The following HACD2 variants were observed in gnomAD, a reference collection of about 807,000 sequenced individuals.
HACD2 encodes very-long-chain (3R)-3-hydroxyacyl-CoA dehydratase 2.
A neutral mutation model predicts 31.0 loss-of-function variants in HACD2; 15 were observed. The observed-to-expected ratio is 0.48, with a 90% CI of 0.32 to 0.75. HACD2 has a LOEUF of 0.75. HACD2 is among the 30% of genes least tolerant of loss of function. The pLI is 0.03. For missense variants in HACD2, 283 were observed against 313.0 expected, an observed-to-expected ratio of 0.90 and a Z score of 0.72; for synonymous variants, 115 against 122.2, an observed-to-expected ratio of 0.94 and a Z score of 0.39.
At chr3:123,552,927 A>T (rs1222699078) in intron 3 of HACD2, among the ~76,000 whole-genome samples, 1 of 152,236 alleles carries the variant, frequency 6.6e-6, no homozygotes, top group African/African-American at 2.4e-5. Context: ...TAGGATAAGC[A>T]AAGAAGAGGG....
chr3:123,555,604 T>C (rs2056664838), intron 3 of HACD2, among the ~76,000 whole-genome samples: 1 of 152,170 alleles, frequency 6.6e-6, no homozygotes, highest in East Asian at 1.9e-4. Flanking sequence ...TGGAGAAATA[T>C]TATATGTCTG....
chr3:123,502,111 G>A (rs1320214459), intron 5 of HACD2, among the ~76,000 whole-genome samples: 1 of 152,208 alleles, frequency 6.6e-6, no homozygotes, highest in African/African-American at 2.4e-5. Context: ...TGTAATGTTT[G>A]TCATTACCTA....
chr3:123,538,826 T>G (rs183865494), intron 3 of HACD2, among the ~76,000 whole-genome samples: 17 of 152,308 alleles, frequency 1.1e-4, no homozygotes, highest in African/African-American at 3.6e-4. Flanking sequence ...ATACTATCTT[T>G]GGATAATGTA....
intron 2 of HACD2, among the ~76,000 whole-genome samples, chr3:123,577,347 C>T (rs1421765160): frequency 2.0e-5 from 3 of 152,038 alleles, no homozygotes; most frequent in East Asian, 3.9e-4. Context: ...TTTGGCCGGG[C>T]GCAGTGGCTC....
chr3:123,582,754 C>T (rs1363110413), intron 1 of HACD2, among the ~76,000 whole-genome samples: 1 of 152,066 alleles, frequency 6.6e-6, no homozygotes, highest in Non-Finnish European at 1.5e-5. Context: ...AAAGAAGATG[C>T]TTTAAACTAT....
intron 4 of HACD2, among the ~76,000 whole-genome samples, chr3:123,517,243 C>T (rs899190998): frequency 1.3e-5 from 2 of 152,172 alleles, no homozygotes; most frequent in African/African-American, 2.4e-5. Context: ...TTAAAAGATG[C>T]CACCTCTCCC....
chr3:123,540,373 G>A (rs956579539), intron 3 of HACD2, among the ~76,000 whole-genome samples: 6 of 152,248 alleles, frequency 3.9e-5, no homozygotes, highest in Non-Finnish European at 7.4e-5. Flanking sequence ...AAGCTTTCTC[G>A]AACATTCAGA....
At chr3:123,516,112 T>A (rs891382251) in intron 4 of HACD2, among the ~76,000 whole-genome samples, 1 of 152,148 alleles carries the variant, frequency 6.6e-6, no homozygotes, top group Non-Finnish European at 1.5e-5. Flanking sequence ...CCTTTATAAT[T>A]TATTAAAAAT....
At chr3:123,567,887 G>T in intron 2 of HACD2, 107 bp from the exon 3 acceptor site, 1 of 595,622 alleles carries the variant, frequency 1.7e-6, no homozygotes, top group Non-Finnish European at 2.7e-6. Flanking sequence ...GCGTCTGCCA[G>T]CAGTATTAAA....
intron 4 of HACD2, among the ~76,000 whole-genome samples, chr3:123,508,622 T>C (rs1165184674): frequency 2.0e-5 from 3 of 152,182 alleles, no homozygotes; most frequent in Non-Finnish European, 2.9e-5. Flanking sequence ...TTCAAAGAAA[T>C]TCCCTGACCA....
At chr3:123,500,493 A>G (rs774036922) in intron 6 of HACD2, 22 bp downstream of exon 6, 1 of 1,499,890 alleles carries the variant, frequency 6.7e-7, no homozygotes, top group South Asian at 1.2e-5. Context: ...ATAATTAAAT[A>G]TACGCATAAC....
At chr3:123,572,652 CT>C (rs1374431977) in intron 2 of HACD2, among the ~76,000 whole-genome samples, 1 of 152,164 alleles carries the variant, frequency 6.6e-6, no homozygotes, top group African/African-American at 2.4e-5. Flanking sequence ...TTGGAAACAT[CT>C]TTTCAAAGTT....
chr3:123,518,995 TAA>T (rs67571643), intron 4 of HACD2, among the ~76,000 whole-genome samples: 334 of 42,490 alleles, frequency 7.9e-3, no homozygotes, highest in African/African-American at 0.024. Context: ...AGACTCCAAC[TAA>T]AAAAAAAAAA....
chr3:123,511,839 G>A (rs2056067135), intron 4 of HACD2, among the ~76,000 whole-genome samples: 1 of 152,178 alleles, frequency 6.6e-6, no homozygotes, highest in South Asian at 2.1e-4. Context: ...CAAACCTCAT[G>A]TTGAAATCTG....
intron 3 of HACD2, among the ~76,000 whole-genome samples, chr3:123,566,226 T>A (rs891797035): frequency 1.4e-4 from 21 of 152,304 alleles, no homozygotes; most frequent in African/African-American, 5.1e-4. Context: ...GTCCCTGGAC[T>A]CTCTACCCGT....
chr3:123,574,117 A>G (rs184646018), intron 2 of HACD2, among the ~76,000 whole-genome samples: 6 of 152,352 alleles, frequency 3.9e-5, no homozygotes, highest in African/African-American at 9.6e-5. Context: ...TAACTTCTAT[A>G]GCATTTCTGC....
intron 1 of HACD2, chr3:123,584,403 T>A (rs1411035559): frequency 6.5e-6 from 1 of 153,776 alleles, no homozygotes; most frequent in Non-Finnish European, 1.4e-5. Context: ...TCCCAATACC[T>A]TTCAGATTAA....
At chr3:123,574,177 A>G (rs1361292471) in intron 2 of HACD2, among the ~76,000 whole-genome samples, 1 of 152,248 alleles carries the variant, frequency 6.6e-6, no homozygotes, top group African/African-American at 2.4e-5. Context: ...TTCATTCATC[A>G]TATGATTTCA....
At chr3:123,528,996 T>C (rs918821715) in intron 3 of HACD2, among the ~76,000 whole-genome samples, 1 of 89,444 alleles carries the variant, frequency 1.1e-5, no homozygotes, top group Non-Finnish European at 2.5e-5. Flanking sequence ...TAAAAGACTA[T>C]CTTTAAAACC....
Sources: allele counts gnomAD v4.1 joint callset (sites outside exome capture counted in the v4.1 genomes callset), GRCh38; gene constraint gnomAD v4.1.1; transcripts MANE v1.5; gene names NCBI Gene and HGNC (gene_info 2026-07-23, HGNC 2026-07-21).